The following COG4 variants were observed in gnomAD, a reference collection of about 807,000 sequenced individuals.
COG4 encodes component of oligomeric golgi complex 4, also known as conserved oligomeric Golgi complex subunit 4.
COG4 carries 65 observed loss-of-function variants against 95.1 expected under a neutral mutation model. That is an observed-to-expected ratio of 0.68 (90% CI 0.56 to 0.84). The LOEUF is 0.84. COG4 is among the 40% of genes least tolerant of loss of function. The pLI, the probability that COG4 is intolerant of heterozygous loss-of-function variation, is 0.00. For synonymous variants in COG4, 421 were observed against 374.8 expected (o/e 1.12, Z -1.42); for missense variants, 1,045 against 989.1 (o/e 1.06, Z -0.76).
intron 12 of COG4, among the ~76,000 whole-genome samples, chr16:70,492,141 G>A (rs1245070396): frequency 2.0e-5 from 3 of 152,210 alleles, no homozygotes; most frequent in African/African-American, 7.2e-5. Context: ...GGATAAACAG[G>A]TGGAGGTTCC....
chr16:70,517,301 C>T lies in COG4; in HGVS notation c.369+325G>A, dbSNP rs112087228. ...ATCCCAGCATGTTGGGAGGCCGAGG[C>T]GGGCAGATCACCTGAGGTCAGGAGT... On this transcript the variant is annotated intron_variant, in intron 3 of 18. Transcript: ENST00000323786. Among the ~76,000 whole-genome samples the T allele has an allele frequency of 1.2e-4, 19 of 152,042 alleles. 1 individual carries two copies. The highest frequency in any genetic ancestry group is 3.6e-4 in the African/African-American group (15 of 41,510).
chr16:70,490,264 T>C (rs2049216949), intron 13 of COG4, 66 bp downstream of exon 13: 1 of 1,268,928 alleles, frequency 7.9e-7, no homozygotes, highest in African/African-American at 1.5e-5. Flanking sequence ...ATGATGTTTG[T>C]ATAGGGCTCT....
intron 8 of COG4, among the ~76,000 whole-genome samples, chr16:70,502,206 C>T (rs1233278199): frequency 3.0e-5 from 4 of 135,334 alleles, no homozygotes; most frequent in Admixed American, 8.6e-5. Flanking sequence ...CGCTTGAACC[C>T]GGGAGGCGGA....
At chr16:70,519,120 CTTTT>C (rs779941972) in intron 2 of COG4, among the ~76,000 whole-genome samples, 2 of 87,830 alleles carry the variant, frequency 2.3e-5, no homozygotes, top group Non-Finnish European at 1.9e-5. Flanking sequence ...ATTTGCATTT[CTTTT>C]TTTTTTTTTT....
Position 70,482,801 on chromosome 16 carries a change from G to A in COG4, c.1848C>T (p.Asn616=). Residue 616 remains asparagine (N), a synonymous_variant, in exon 15 of 19, where the codon AAC becomes AAT. Coordinates refer to ENST00000323786, the MANE Select transcript of COG4 (RefSeq NM_015386.3). ...DLLQEGLTEL[N]STAIKPQVQP... ...GCACCTGTGGCTTGATGGCTGTGCT[G>A]TTGAGCTCCGTCAGCCCTTCCTGCA... The A allele has an allele frequency of 6.2e-7, 1 of 1,613,720 alleles. No individual in the cohort carries two copies. The highest frequency in any genetic ancestry group is 8.5e-7 in the Non-Finnish European group (1 of 1,179,796).
Position 70,480,897 on chromosome 16 carries a change from G to A in COG4, c.*113C>T, listed in dbSNP as rs1489652568. ...TTTCTCTGCTGCCAGCCGTAGAAAG[G>A]TCTGGGCTGTCAGATCTCCCCCAAG... On this transcript the variant is annotated 3_prime_UTR_variant, in exon 19 of 19. Transcript: ENST00000323786. The A allele has an allele frequency of 3.1e-6, 4 of 1,275,958 alleles. No individual in the cohort carries two copies. The South Asian group carries it at 4.8e-5, about 15-fold the overall frequency. 79.0% of individuals were successfully genotyped at this position (1,275,958 alleles called of 1,614,324 possible).
At chr16:70,481,627 C>T in intron 17 of COG4, 137 bp downstream of exon 17, 3 of 1,418,966 alleles carry the variant, frequency 2.1e-6, no homozygotes, top group South Asian at 1.2e-5. Flanking sequence ...GCTTCAGAAG[C>T]CAGAGCAGGA....
chr16:70,496,324 T>A lies in COG4; in HGVS notation c.1589A>T (p.Gln530Leu). Residue 530 changes from glutamine (Q) to leucine (L), a missense_variant, in exon 12 of 19, where the codon CAA becomes CTA. Gln to Leu is a moderately radical substitution (Grantham distance 113). Transcript: ENST00000323786. ...GATGCCTTTTGTGTCAAATTTGCCT[T>A]GCTGGAGGCTGCTGTGCATGATGTT... ...AVNIMHSSLQ[Q>L]GKFDTKGIES... 5 of 1,614,190 alleles carry A rather than the reference T, an allele frequency of 3.1e-6. No homozygotes were observed. Among genetic ancestry groups the A allele is most frequent in the Non-Finnish European group, 4.2e-6 (5 of 1,180,038 alleles).
chr16:70,508,214 C>G (rs138145379), intron 8 of COG4, among the ~76,000 whole-genome samples, 192 bp downstream of exon 8: 1 of 152,032 alleles, frequency 6.6e-6, no homozygotes, highest in Admixed American at 6.6e-5. Flanking sequence ...CCACCGCGCC[C>G]GGCTGATTAT....
At chr16:70,484,338 T>C (rs1444312736) in intron 13 of COG4, among the ~76,000 whole-genome samples, 1 of 152,256 alleles carries the variant, frequency 6.6e-6, no homozygotes, top group African/African-American at 2.4e-5. Flanking sequence ...CACCAATTCC[T>C]GCTCCTCATG....
chr16:70,504,374 A>C (rs2049515709), intron 8 of COG4, among the ~76,000 whole-genome samples: 2 of 152,140 alleles, frequency 1.3e-5, no homozygotes, highest in Admixed American at 1.3e-4. Flanking sequence ...TGGGAGGCTG[A>C]GGCGGGCAGA....
At chr16:70,516,808 G>T (rs1472096306) in intron 3 of COG4, among the ~76,000 whole-genome samples, 1 of 151,924 alleles carries the variant, frequency 6.6e-6, no homozygotes, top group Admixed American at 6.6e-5. Context: ...CTGCAACTCA[G>T]GCTGGAGTAC....
intron 13 of COG4, among the ~76,000 whole-genome samples, chr16:70,485,496 G>A (rs1597656403): frequency 6.6e-6 from 1 of 151,238 alleles, no homozygotes; most frequent in South Asian, 2.1e-4. Flanking sequence ...GAGCCATCGC[G>A]CCTGGCAGAG....
intron 1 of COG4, among the ~76,000 whole-genome samples, chr16:70,522,113 T>G (rs1451057851): frequency 6.6e-6 from 1 of 151,722 alleles, no homozygotes; most frequent in Non-Finnish European, 1.5e-5. Flanking sequence ...TTCTCCTGCC[T>G]CAGCCTCCCG....
intron 18 of COG4, 56 bp from the exon 19 acceptor site, chr16:70,481,200 C>T: frequency 6.2e-7 from 1 of 1,612,428 alleles, no homozygotes; most frequent in South Asian, 1.1e-5. Context: ...TGAAAGAGGG[C>T]TCTGGCCTCT....
Position 70,482,158 on chromosome 16 carries a change from A to G in COG4, c.1938T>C (p.Tyr646=). 1.2e-6 allele frequency: 2 copies of G among 1,613,454 alleles called. No homozygotes were observed. Among genetic ancestry groups the G allele is most frequent in the Non-Finnish European group, 1.7e-6 (2 of 1,179,398 alleles). ...HNIEEEEFND[Y]EANDPWVQQF... is the part of the protein sequence containing the mutation. ...GTTGTACCCAAGGGTCGTTGGCCTCATAGTCATTGAATTCTTCCTGTTGTC... is the reference window on the plus strand; with the variant it reads ...GTTGTACCCAAGGGTCGTTGGCCTCGTAGTCATTGAATTCTTCCTGTTGTC... Residue 646 remains tyrosine (Y), a synonymous_variant, in exon 16 of 19, where the codon TAT becomes TAC. Coordinates refer to ENST00000323786, the MANE Select transcript of COG4 (RefSeq NM_015386.3).
intron 8 of COG4, among the ~76,000 whole-genome samples, chr16:70,505,015 T>C (rs2151754781): frequency 6.6e-6 from 1 of 152,226 alleles, no homozygotes; most frequent in East Asian, 1.9e-4. Context: ...GTGTCTGGCA[T>C]ACAGTTGACA....
chr16:70,489,094 A>C (rs1488895509), intron 13 of COG4, among the ~76,000 whole-genome samples: 2 of 152,146 alleles, frequency 1.3e-5, no homozygotes, highest in Admixed American at 1.3e-4. Flanking sequence ...AGCAATTTCC[A>C]CTATACTCTG....
chr16:70,517,095 TC>T (rs2151763429), intron 3 of COG4, among the ~76,000 whole-genome samples: 1 of 152,042 alleles, frequency 6.6e-6, no homozygotes, highest in Non-Finnish European at 1.5e-5. Flanking sequence ...GATGGGGTTT[TC>T]CCATGTTGCC....
Sources: allele counts gnomAD v4.1 joint callset (sites outside exome capture counted in the v4.1 genomes callset), GRCh38; gene constraint gnomAD v4.1.1; transcripts MANE v1.5; gene names NCBI Gene and HGNC (gene_info 2026-07-23, HGNC 2026-07-21).